Variants in NME7 observed in about 807,000 individuals in gnomAD.
The protein encoded by NME7 is NME/NM23 family member 7.
A neutral mutation model predicts 49.1 loss-of-function variants in NME7; 41 were observed. That is an observed-to-expected ratio of 0.83 (90% confidence interval 0.65 to 1.08). The LOEUF (loss-of-function observed/expected upper bound fraction) is 1.08, where lower values mean the gene tolerates loss of function less well. Ranked by LOEUF, NME7 falls within the 50% of genes least tolerant of loss-of-function variation. The probability of loss-of-function intolerance (pLI) is 0.00; values close to 1 mark genes in which losing one functional copy is unlikely to be tolerated. For synonymous variants in NME7, 139 were observed against 150.6 expected, an observed-to-expected ratio of 0.92 and a Z score of 0.56; for missense variants, 423 against 463.4, an observed-to-expected ratio of 0.91 and a Z score of 0.80.
chr1:169,165,071 A>T (rs1571256896), intron 11 of NME7, among the ~76,000 whole-genome samples: 2 of 150,226 alleles, frequency 1.3e-5, no homozygotes, highest in East Asian at 4.1e-4. Context: ...GAACATTAAC[A>T]GTGACAGAAC....
chr1:169,322,021 C>T (rs148143264), intron 3 of NME7, among the ~76,000 whole-genome samples: 30 of 152,186 alleles, frequency 2.0e-4, no homozygotes, highest in African/African-American at 7.2e-4. Context: ...TAAAATTTCA[C>T]TTCAAATATA....
chr1:169,264,684 C>A (rs1459288102), intron 7 of NME7, among the ~76,000 whole-genome samples: 2 of 133,288 alleles, frequency 1.5e-5, no homozygotes, highest in Non-Finnish European at 3.5e-5. Flanking sequence ...CAACACCCTA[C>A]TGACAGTAAT....
At chr1:169,363,967 C>T (rs1557841422) in intron 1 of NME7, among the ~76,000 whole-genome samples, 1 of 152,212 alleles carries the variant, frequency 6.6e-6, no homozygotes, top group Non-Finnish European at 1.5e-5. Flanking sequence ...ATGTCACTTT[C>T]TACCTCCCTA....
intron 10 of NME7, among the ~76,000 whole-genome samples, chr1:169,184,386 G>GA: frequency 6.6e-6 from 1 of 152,354 alleles, no homozygotes; most frequent in East Asian, 1.9e-4. Context: ...AGTAACTGGA[G>GA]TGAATGCTGG....
At chr1:169,229,768 C>G (rs1647518095) in intron 10 of NME7, among the ~76,000 whole-genome samples, 3 of 152,102 alleles carry the variant, frequency 2.0e-5, no homozygotes. Context: ...CAAGACCAGC[C>G]TGGCCAACAG....
At chr1:169,178,817 C>CTTT (rs1557975584) in intron 10 of NME7, among the ~76,000 whole-genome samples, 1 of 98,674 alleles carries the variant, frequency 1.0e-5, no homozygotes, top group African/African-American at 3.4e-5. Flanking sequence ...GCTGAAACCT[C>CTTT]TTCTTTTTTT....
chr1:169,186,000 C>T (rs963382685), intron 10 of NME7, among the ~76,000 whole-genome samples: 2 of 152,040 alleles, frequency 1.3e-5, no homozygotes, highest in Non-Finnish European at 2.9e-5. Context: ...ATCTTCTGAG[C>T]ATTCAAAAAC....
chr1:169,268,335 T>C (rs1297621581), intron 7 of NME7, among the ~76,000 whole-genome samples: 1 of 133,588 alleles, frequency 7.5e-6, no homozygotes, highest in African/African-American at 2.5e-5. Context: ...TATATACCTG[T>C]TGGGGGAAGT....
intron 8 of NME7, 22 bp downstream of exon 8, chr1:169,237,601 T>C: frequency 6.4e-7 from 1 of 1,565,288 alleles, no homozygotes; most frequent in South Asian, 1.1e-5. Context: ...ACAAATATTA[T>C]GGTTCATTGT....
chr1:169,300,199 C>G (rs959065832), intron 5 of NME7, among the ~76,000 whole-genome samples: 3 of 152,256 alleles, frequency 2.0e-5, no homozygotes, highest in Non-Finnish European at 2.9e-5. Context: ...GCAAATCACA[C>G]ATAAATCATT....
chr1:169,219,716 A>G (rs971623210), intron 10 of NME7, among the ~76,000 whole-genome samples: 2 of 152,118 alleles, frequency 1.3e-5, no homozygotes, highest in Non-Finnish European at 2.9e-5. Flanking sequence ...ACATTATTGC[A>G]ATTTATTTGT....
At chr1:169,186,174 T>C (rs1432080308) in intron 10 of NME7, among the ~76,000 whole-genome samples, 1 of 152,182 alleles carries the variant, frequency 6.6e-6, no homozygotes, top group Non-Finnish European at 1.5e-5. Context: ...GTATTTCTAC[T>C]GCAAAAGGGA....
At chr1:169,281,035 A>G (rs1649990530) in intron 7 of NME7, among the ~76,000 whole-genome samples, 1 of 152,086 alleles carries the variant, frequency 6.6e-6, no homozygotes, top group South Asian at 2.1e-4. Context: ...GAATCTATAA[A>G]TTACTTTCAG....
At position 169,265,848 on chromosome 1, in the gene NME7, A is replaced by T. The variant is rs192765452; in HGVS notation, c.754+21455T>A. Among the ~76,000 whole-genome samples the T allele has an allele frequency of 2.6e-3, 344 of 133,426 alleles. 48 individuals carry two copies. The highest frequency in any genetic ancestry group is 8.2e-3 in the African/African-American group (326 of 39,534). The allele number at this position is 133,426 out of a possible 152,430, so 87.5% of individuals were successfully genotyped here. The stretch of plus-strand genomic sequence containing the variant: ...GACTACTATGAACACCGTTATGCAC[A>T]TAAGCTAGAAAATCTAAAATAAATG... On this transcript the variant is annotated intron_variant, in intron 7 of 11. Coordinates refer to ENST00000367811, the MANE Select transcript of NME7 (RefSeq NM_013330.5).
At chr1:169,137,989 A>G (rs1448437171) in intron 11 of NME7, among the ~76,000 whole-genome samples, 2 of 152,210 alleles carry the variant, frequency 1.3e-5, no homozygotes, top group African/African-American at 4.8e-5. Context: ...TCTTCTCCGT[A>G]GGTTTAGTTG....
chr1:169,275,999 C>T lies in NME7; in HGVS notation c.754+11304G>A, dbSNP rs1396298855. 1.8e-4 allele frequency among the ~76,000 whole-genome samples: 24 copies of T among 133,522 alleles called. 5 individuals are homozygous for T. Among genetic ancestry groups the T allele is most frequent in the South Asian group, 2.3e-4 (1 of 4,312 alleles). 87.6% of individuals were successfully genotyped at this position (133,522 alleles called of 152,430 possible). On this transcript the variant is annotated intron_variant, in intron 7 of 11. Coordinates refer to ENST00000367811, the MANE Select transcript of NME7 (RefSeq NM_013330.5). Reference sequence around the variant, plus strand: ...ATGCTGGATTACATTTATTGATTTGCGTATATTGAACCGGCCTTGCATCCC... The same window carrying T: ...ATGCTGGATTACATTTATTGATTTGTGTATATTGAACCGGCCTTGCATCCC...
At chr1:169,151,900 C>T (rs1185663418) in intron 11 of NME7, among the ~76,000 whole-genome samples, 1 of 152,166 alleles carries the variant, frequency 6.6e-6, no homozygotes, top group African/African-American at 2.4e-5. Context: ...TGCCTTGCAT[C>T]CTCATGGGAG....
rs1247419927 is a variant in NME7 at position 169,342,594 on chromosome 1, GTACATATATA to G, written c.4-18104_4-18095del. 1.9e-3 allele frequency among the ~76,000 whole-genome samples: 99 copies of G among 52,866 alleles called. 20 individuals carry two copies. Among genetic ancestry groups the G allele is most frequent in the Middle Eastern group, 0.011 (1 of 94 alleles). 34.7% of individuals were successfully genotyped at this position (52,866 alleles called of 152,430 possible). ...ATATATAGTATATATATATATACAA[GTACATATATA>G]TAGTATATATATATACAAGTACATA... On this transcript the variant is annotated intron_variant, in intron 1 of 11. Transcript: ENST00000367811.
intron 10 of NME7, among the ~76,000 whole-genome samples, chr1:169,172,635 C>A (rs1463645068): frequency 6.6e-6 from 1 of 152,172 alleles, no homozygotes; most frequent in African/African-American, 2.4e-5. Context: ...CTCAAAAAAT[C>A]TTTGAAGGCT....
Sources: gnomAD v4.1 joint callset for allele counts (sites outside exome capture counted in the v4.1 genomes callset) on GRCh38, gnomAD v4.1.1 for gene constraint, MANE v1.5 for transcripts, NCBI Gene and HGNC (gene_info 2026-07-23, HGNC 2026-07-21) for gene names.